KIF24: variants seen among roughly 807,000 people sequenced by gnomAD.
KIF24 encodes kinesin-like protein KIF24.
A neutral mutation model predicts 118.9 loss-of-function variants in KIF24; 81 were observed. The observed-to-expected ratio is 0.68, with a 90% confidence interval of 0.57 to 0.82. The LOEUF (loss-of-function observed/expected upper bound fraction) is 0.82. Ranked by LOEUF, KIF24 falls within the 40% of genes least tolerant of loss-of-function variation. The pLI is 0.00. For missense variants in KIF24, 1,560 were observed against 1,661.6 expected (o/e 0.94, Z 1.06); for synonymous variants, 599 against 610.0 (o/e 0.98, Z 0.27).
chr9:34,283,240 C>T (rs1336637179), intron 6 of KIF24, among the ~76,000 whole-genome samples: 3 of 151,534 alleles, frequency 2.0e-5, no homozygotes, highest in Non-Finnish European at 2.9e-5. Flanking sequence ...TGTAGTGGCA[C>T]ACACCTGTAG....
rs1834918416 is a variant in KIF24, at chr9:34,257,871, G to C, written c.1736C>G (p.Ser579Ter). ...TTTTTTGGGAGAACATTTGTCCTCT[G>C]ACAAAGCCCCAGGGGAGCTCTGAAT... is the stretch of plus-strand genomic sequence containing the variant. ...KRIQSSPGAL[S>*]EDKCSPKKVK... Residue 579 changes from serine to a stop codon, truncating the protein, a stop_gained, in exon 11 of 13, where the codon TCA (serine) becomes TGA (stop). Coordinates refer to ENST00000402558, the MANE Select transcript of KIF24 (RefSeq NM_194313.4). LOFTEE classifies it high-confidence loss of function. The C allele has an allele frequency of 6.2e-7, 1 of 1,613,888 alleles. No homozygotes were observed. Among genetic ancestry groups the C allele is most frequent in the Non-Finnish European group, 8.5e-7 (1 of 1,179,894 alleles).
chr9:34,301,830 C>T (rs899783934), intron 3 of KIF24, among the ~76,000 whole-genome samples: 5 of 151,872 alleles, frequency 3.3e-5, no homozygotes, highest in African/African-American at 1.2e-4. Context: ...GAACAAGACC[C>T]TGTCTCAGAA....
chr9:34,295,390 T>G (rs1836428753), intron 4 of KIF24, among the ~76,000 whole-genome samples: 1 of 152,058 alleles, frequency 6.6e-6, no homozygotes, highest in African/African-American at 2.4e-5. Context: ...AAAAAAAATT[T>G]TATAGACCAG....
At chr9:34,281,736 AGCTT>A (rs1259143176) in intron 6 of KIF24, among the ~76,000 whole-genome samples, 1 of 152,174 alleles carries the variant, frequency 6.6e-6, no homozygotes, top group Non-Finnish European at 1.5e-5. Context: ...TGGTCTCTTA[AGCTT>A]GGTTGAAGAC....
At chr9:34,326,471 T>C (rs1463990751) in intron 1 of KIF24, among the ~76,000 whole-genome samples, 1 of 152,236 alleles carries the variant, frequency 6.6e-6, no homozygotes, top group Non-Finnish European at 1.5e-5. Flanking sequence ...TGATAATCAC[T>C]ACCGAAGAAT....
intron 3 of KIF24, among the ~76,000 whole-genome samples, chr9:34,300,849 TCAAAAAAAAAAAAA>T (rs1836674394): frequency 3.2e-5 from 1 of 30,958 alleles, no homozygotes; most frequent in South Asian, 1.9e-3. Flanking sequence ...TCGGCATTTC[TCAAAAAAAAAAAAA>T]AAAAAAAAAA....
intron 1 of KIF24, among the ~76,000 whole-genome samples, chr9:34,317,930 C>T (rs566514174): frequency 6.6e-6 from 1 of 152,142 alleles, no homozygotes; most frequent in African/African-American, 2.4e-5. Context: ...CACCGGGGGT[C>T]TTGGAATATA....
At chr9:34,285,023 A>G (rs551915040) in intron 6 of KIF24, among the ~76,000 whole-genome samples, 213 of 148,724 alleles carry the variant, frequency 1.4e-3, no homozygotes, top group African/African-American at 5.1e-3. Flanking sequence ...CCAGAACAGG[A>G]AAAAAAAATT....
intron 5 of KIF24, among the ~76,000 whole-genome samples, chr9:34,288,055 A>G (rs1836116663): frequency 6.6e-6 from 1 of 152,170 alleles, no homozygotes; most frequent in African/African-American, 2.4e-5. Flanking sequence ...TATGCAAGGT[A>G]TAAAAACAAT....
intron 1 of KIF24, among the ~76,000 whole-genome samples, chr9:34,326,178 G>C (rs866518290): frequency 6.6e-6 from 1 of 152,042 alleles, no homozygotes; most frequent in African/African-American, 2.4e-5. Context: ...ACATAGTGAG[G>C]CCTTGTCTCT....
rs200639241 is a variant in KIF24 at position 34,257,642 on chromosome 9, T to A, written c.1965A>T (p.Gly655=). The change falls in exon 11 of 13, where the codon GGA becomes GGT. Residue 655 remains glycine (G), a synonymous_variant. Transcript: ENST00000402558. The stretch of plus-strand genomic sequence containing the variant: ...CTTCTGGCTTTTTTTTGGCCACATG[T>A]CCAGAGCGCACAGTTCCTTTCACAG... ...ASPVKGTVRS[G]HVAKKKPEES... is the part of the protein sequence containing the mutation. 2 of 1,614,048 alleles carry A rather than the reference T, an allele frequency of 1.2e-6. No homozygotes were observed. Among genetic ancestry groups the A allele is most frequent in the Admixed American group, 1.7e-5 (1 of 60,034 alleles).
At chr9:34,286,580 GTTGT>G in intron 6 of KIF24, 33 bp downstream of exon 6, 1 of 1,409,914 alleles carries the variant, frequency 7.1e-7, no homozygotes, top group Non-Finnish European at 1.0e-6. Context: ...TACTTACACT[GTTGT>G]GGTGGGGTAA....
intron 3 of KIF24, among the ~76,000 whole-genome samples, chr9:34,301,588 C>A (rs926934302): frequency 6.6e-6 from 1 of 152,218 alleles, no homozygotes; most frequent in East Asian, 1.9e-4. Context: ...GTAATCCCAG[C>A]ACCTTGAAAG....
chr9:34,311,263 T>A lies in KIF24; in HGVS notation c.84A>T (p.Lys28Asn). Residue 28 changes from lysine (K) to asparagine (N), a missense_variant, in exon 2 of 13, where the codon AAA (lysine) becomes AAT (asparagine). Around this residue, in one of 3 missense-constraint regions of KIF24, gnomAD observed 964 missense variants for 988.0 expected, o/e 0.98. Transcript: ENST00000402558. ...YSHFTALGLQ[K>N]IDELAKITMK... ...TTGTAATCTTGGCTAATTCATCTAT[T>A]TTCTGAAGGCCAAGGGCAGTGAAAT... 6.2e-7 allele frequency: 1 copy of A among 1,612,296 alleles called. No individual in the cohort carries two copies. Among genetic ancestry groups the A allele is most frequent in the African/African-American group, 1.3e-5 (1 of 75,028 alleles).
chr9:34,303,308 TAAAG>T (rs1836795087), intron 3 of KIF24, among the ~76,000 whole-genome samples: 1 of 152,132 alleles, frequency 6.6e-6, no homozygotes, highest in South Asian at 2.1e-4. Flanking sequence ...CTAAGTGCAA[TAAAG>T]AGTCTTAAAG....
chr9:34,327,838 T>TA (rs371382729), intron 1 of KIF24, among the ~76,000 whole-genome samples: 3,587 of 122,986 alleles, frequency 0.029, 120 homozygotes, highest in African/African-American at 0.082. Flanking sequence ...TTTTCTCTAA[T>TA]AAAAAAAAAA....
At chr9:34,275,084 G>A (rs531508962) in intron 6 of KIF24, among the ~76,000 whole-genome samples, 23 of 152,216 alleles carry the variant, frequency 1.5e-4, no homozygotes, top group African/African-American at 5.3e-4. Context: ...CAATACAACA[G>A]GGTGACTATA....
At chr9:34,288,975 T>C (rs1260073048) in intron 5 of KIF24, among the ~76,000 whole-genome samples, 5 of 151,832 alleles carry the variant, frequency 3.3e-5, no homozygotes, top group African/African-American at 4.8e-5. Flanking sequence ...AATGAGGGCA[T>C]TGGAGCTTGA....
Position 34,263,088 on chromosome 9 carries a change from C to T in KIF24, c.1515+13G>A. Reference sequence around the variant, plus strand: ...TGAATCAGAACAAACTCAAGGCTCACATTTAACTTTACCTGAGTTAGTTTG... The same window carrying T: ...TGAATCAGAACAAACTCAAGGCTCATATTTAACTTTACCTGAGTTAGTTTG... On this transcript the variant is annotated intron_variant, in intron 9 of 12. Coordinates refer to ENST00000402558, the MANE Select transcript of KIF24 (RefSeq NM_194313.4). 2 of 1,600,374 alleles carry T rather than the reference C, an allele frequency of 1.2e-6. No individual in the cohort carries two copies. Among genetic ancestry groups the T allele is most frequent in the Non-Finnish European group, 1.7e-6 (2 of 1,168,372 alleles).
Sources: allele counts gnomAD v4.1 joint callset (sites outside exome capture counted in the v4.1 genomes callset), GRCh38; gene constraint gnomAD v4.1.1; regional missense constraint gnomAD v4.1.1; transcripts MANE v1.5; gene names NCBI Gene and HGNC (gene_info 2026-07-23, HGNC 2026-07-21).